Variants in PCDHA10 observed in about 807,000 individuals in gnomAD.
PCDHA10 encodes the protein protocadherin alpha-10.
PCDHA10 carries 45 observed loss-of-function variants against 61.2 expected under a neutral mutation model. The ratio of observed to expected loss-of-function variants is 0.74; its 90% confidence interval spans 0.58 to 0.94. The LOEUF (loss-of-function observed/expected upper bound fraction) is 0.94, where lower values mean the gene tolerates loss of function less well. PCDHA10 is among the 40% of genes least tolerant of loss of function. The pLI is 0.00. For synonymous variants in PCDHA10, 602 were observed against 548.8 expected (o/e 1.10, Z -1.35); for missense variants, 1,278 against 1,236.2 (o/e 1.03, Z -0.51).
At chr5:140,925,084 A>AGGAAGGAAGGAAGGAAGGAAGGAG (rs1554202501) in intron 1 of PCDHA10, among the ~76,000 whole-genome samples, 2 of 144,612 alleles carry the variant, frequency 1.4e-5, no homozygotes, top group African/African-American at 5.6e-5. Context: ...TCATCTGGAA[A>AGGAAGGAAGGAAGGAAGGAAGGAG]GGAAGGAAGG....
At chr5:140,969,522 T>C in intron 1 of PCDHA10, 5 of 1,397,290 alleles carry the variant, frequency 3.6e-6, no homozygotes, top group Non-Finnish European at 4.7e-6. Context: ...AAGAATTGTT[T>C]TATTTTTCAT....
In PCDHA10 at chr5:141,010,605, A is replaced by G. The variant is rs2098417765; in HGVS notation, c.*668A>G. ...AAAGTCTGTTGGCTGTGACGTCATT[A>G]TACCTAAAATCTGCATCATACCTGC... On this transcript the variant is annotated 3_prime_UTR_variant, in exon 4 of 4. Transcript: ENST00000307360. 1 of 206,202 alleles carries G rather than the reference A, an allele frequency of 4.8e-6. No individual in the cohort carries two copies. Among genetic ancestry groups the G allele is most frequent in the Non-Finnish European group, 9.9e-6 (1 of 101,122 alleles). 12.8% of individuals were successfully genotyped at this position (206,202 alleles called of 1,614,324 possible). A position where few individuals can be genotyped will look rare whatever the true frequency, so the allele number is the denominator to read the frequency against.
intron 3 of PCDHA10, among the ~76,000 whole-genome samples, chr5:141,003,942 G>C (rs1054043476): frequency 2.0e-5 from 3 of 152,148 alleles, no homozygotes; most frequent in Non-Finnish European, 2.9e-5. Flanking sequence ...TTGCCTGAGG[G>C]TGAGCTAGGA....
At chr5:140,969,760 C>T (rs1166018588) in intron 1 of PCDHA10, among the ~76,000 whole-genome samples, 1 of 152,194 alleles carries the variant, frequency 6.6e-6, no homozygotes, top group Non-Finnish European at 1.5e-5. Flanking sequence ...TTAAAAAGCT[C>T]TGAGGCCTCT....
At chr5:140,979,704 T>C (rs1430662594) in intron 2 of PCDHA10, among the ~76,000 whole-genome samples, 1 of 152,246 alleles carries the variant, frequency 6.6e-6, no homozygotes, top group Non-Finnish European at 1.5e-5. Context: ...TTTCTGGAGG[T>C]GATCCAGTAT....
At chr5:140,885,119 TTTTC>T (rs1425065169) in intron 1 of PCDHA10, among the ~76,000 whole-genome samples, 2 of 152,334 alleles carry the variant, frequency 1.3e-5, no homozygotes, top group East Asian at 3.9e-4. Context: ...TTAAGTGCAC[TTTTC>T]TTTCTTTCTT....
chr5:140,995,893 A>T (rs1038677586), intron 3 of PCDHA10, among the ~76,000 whole-genome samples: 1 of 152,182 alleles, frequency 6.6e-6, no homozygotes, highest in Non-Finnish European at 1.5e-5. Flanking sequence ...AGATTTATCA[A>T]TGTATAAAAG....
intron 1 of PCDHA10, 135 bp downstream of exon 1, chr5:140,858,571 C>T: frequency 7.3e-7 from 1 of 1,362,320 alleles, no homozygotes. Flanking sequence ...CTAGTGATAC[C>T]TTTGTAATAT....
intron 1 of PCDHA10, chr5:140,966,981 TG>T (rs2096079365): frequency 1.2e-6 from 2 of 1,603,254 alleles, no homozygotes; most frequent in African/African-American, 2.7e-5. Flanking sequence ...CTGCGGCGCT[TG>T]GGGCCGGGTT....
intron 1 of PCDHA10, among the ~76,000 whole-genome samples, chr5:140,897,896 T>C (rs1377037458): frequency 6.6e-6 from 1 of 152,204 alleles, no homozygotes; most frequent in Non-Finnish European, 1.5e-5. Context: ...TGGTGTGAGA[T>C]GGTATCTCAT....
chr5:140,974,553 C>G (rs1554236197), intron 1 of PCDHA10, among the ~76,000 whole-genome samples: 1 of 151,870 alleles, frequency 6.6e-6, no homozygotes, highest in African/African-American at 2.4e-5. Context: ...CTCTTGTTGC[C>G]CAGGCTGGAG....
At chr5:140,927,419 G>A (rs781883331) in intron 1 of PCDHA10, 1 of 1,614,140 alleles carries the variant, frequency 6.2e-7, no homozygotes, top group South Asian at 1.1e-5. Flanking sequence ...ATGGGATCGC[G>A]GGTTGACGGC....
At chr5:140,877,141 G>T (rs1554169360) in intron 1 of PCDHA10, 2 of 1,613,680 alleles carry the variant, frequency 1.2e-6, no homozygotes, top group African/African-American at 1.3e-5. Flanking sequence ...GTTCGTGCTG[G>T]ACGAGAACGA....
chr5:140,871,046 T>C, intron 1 of PCDHA10: 1 of 1,613,310 alleles, frequency 6.2e-7, no homozygotes, highest in Non-Finnish European at 8.5e-7. Context: ...CGACTTCTAG[T>C]ACTGGTGAAG....
chr5:141,001,594 A>AT (rs1216872407), intron 3 of PCDHA10, among the ~76,000 whole-genome samples: 1 of 152,040 alleles, frequency 6.6e-6, no homozygotes, highest in Non-Finnish European at 1.5e-5. Flanking sequence ...GATTACTCAG[A>AT]TTAGGTTTGC....
chr5:140,930,822 G>A (rs1338942917), intron 1 of PCDHA10, among the ~76,000 whole-genome samples: 2 of 152,140 alleles, frequency 1.3e-5, no homozygotes, highest in Non-Finnish European at 2.9e-5. Context: ...CTTAGTAAAT[G>A]CTGACTGAAT....
chr5:140,989,805 A>G (rs3776110), intron 3 of PCDHA10, among the ~76,000 whole-genome samples: 8,341 of 152,306 alleles, frequency 0.055, 292 homozygotes, highest in East Asian at 0.12. Context: ...GGAAAGGGCC[A>G]TAAGATTGGT....
intron 1 of PCDHA10, chr5:140,870,906 C>T (rs201710263): frequency 1.2e-6 from 2 of 1,613,948 alleles, no homozygotes; most frequent in African/African-American, 2.7e-5. Flanking sequence ...CGGACTCAGG[C>T]TACAACGCGT....
chr5:140,925,203 A>G (rs1201965893), intron 1 of PCDHA10, among the ~76,000 whole-genome samples: 4 of 152,310 alleles, frequency 2.6e-5, no homozygotes, highest in South Asian at 4.1e-4. Flanking sequence ...TTCAATAATT[A>G]TCGATACTTT....
Sources: gnomAD v4.1 joint callset for allele counts (sites outside exome capture counted in the v4.1 genomes callset) on GRCh38, gnomAD v4.1.1 for gene constraint, MANE v1.5 for transcripts, NCBI Gene and HGNC (gene_info 2026-07-23, HGNC 2026-07-21) for gene names.